Variants in FHOD3 observed in about 807,000 individuals in gnomAD.
FHOD3 encodes FH1/FH2 domain-containing protein 3.
FHOD3 carries 90 observed loss-of-function variants against 173.0 expected under a neutral mutation model. The observed-to-expected ratio is 0.52, with a 90% CI of 0.44 to 0.62. The LOEUF (loss-of-function observed/expected upper bound fraction) is 0.62. Ranked by LOEUF, FHOD3 falls within the 20% of genes least tolerant of loss-of-function variation. The pLI, the probability that FHOD3 is intolerant of heterozygous loss-of-function variation, is 0.00. For synonymous variants in FHOD3, 828 were observed against 823.0 expected (o/e 1.01, Z -0.10); for missense variants, 1,945 against 2,034.7 (o/e 0.96, Z 0.85).
chr18:36,728,272 C>T (rs909838439), intron 19 of FHOD3, among the ~76,000 whole-genome samples: 1 of 152,226 alleles, frequency 6.6e-6, no homozygotes, highest in African/African-American at 2.4e-5. Context: ...TCCAGCACCA[C>T]AGTATTGGCA....
At chr18:36,344,131 G>C (rs537523787) in intron 1 of FHOD3, among the ~76,000 whole-genome samples, 32 of 152,304 alleles carry the variant, frequency 2.1e-4, no homozygotes, top group African/African-American at 7.7e-4. Context: ...GTGAAATCAA[G>C]ATGCTTCTAG....
At chr18:36,458,297 T>C (rs1363570422) in intron 3 of FHOD3, among the ~76,000 whole-genome samples, 7 of 152,106 alleles carry the variant, frequency 4.6e-5, no homozygotes, top group Admixed American at 4.6e-4. Flanking sequence ...GAAAGGAGAG[T>C]GGACTTGTGG....
At position 36,580,923 on chromosome 18, in the gene FHOD3, A is replaced by T. The variant is rs549600822; in HGVS notation, c.606+4378A>T. 1.2e-3 allele frequency among the ~76,000 whole-genome samples: 177 copies of T among 152,344 alleles called. 1 individual carries two copies. The highest frequency in any genetic ancestry group is 4.1e-3 in the African/African-American group (171 of 41,580). ...TGACATCCAGTTGCCTTTGCCTTAT[A>T]CAGTCACAGAGTTGATAAAGGAAGT... On this transcript the variant is annotated intron_variant, in intron 6 of 28. Coordinates refer to ENST00000590592, the MANE Select transcript of FHOD3 (RefSeq NM_001281740.3).
chr18:36,346,014 GC>G (rs780953677), intron 1 of FHOD3, among the ~76,000 whole-genome samples: 8 of 152,112 alleles, frequency 5.3e-5, no homozygotes, highest in Non-Finnish European at 8.8e-5. Context: ...TTCACACCCA[GC>G]CCCCTGAATC....
At chr18:36,540,718 C>T (rs1392670038) in intron 5 of FHOD3, among the ~76,000 whole-genome samples, 4 of 152,100 alleles carry the variant, frequency 2.6e-5, no homozygotes. Flanking sequence ...AAGTGTGATT[C>T]AAGGAAGAAG....
At chr18:36,562,598 G>T (rs1228601902) in intron 5 of FHOD3, among the ~76,000 whole-genome samples, 2 of 152,040 alleles carry the variant, frequency 1.3e-5, no homozygotes, top group Non-Finnish European at 2.9e-5. Flanking sequence ...CTCCTACTTC[G>T]TACCTATCCA....
chr18:36,500,430 C>T (rs2054971673), intron 3 of FHOD3, among the ~76,000 whole-genome samples: 2 of 152,210 alleles, frequency 1.3e-5, no homozygotes, highest in Non-Finnish European at 2.9e-5. Context: ...TTCCATGCCA[C>T]TTGCACAAGG....
rs1428882816 is a variant in FHOD3 at position 36,527,087 on chromosome 18, A to C, written c.511+14544A>C. 2.0e-5 allele frequency among the ~76,000 whole-genome samples: 3 copies of C among 152,120 alleles called. No homozygotes were observed. In the East Asian group the frequency reaches 5.8e-4, roughly 29 times the overall value. ...TGGAAGCTGCATCTGGAGGCTGTGGACCGGGGAACACTGGCCGGCTGGCTG... is the reference window on the plus strand; with the variant it reads ...TGGAAGCTGCATCTGGAGGCTGTGGCCCGGGGAACACTGGCCGGCTGGCTG... On this transcript the variant is annotated intron_variant, in intron 5 of 28. Coordinates refer to ENST00000590592, the MANE Select transcript of FHOD3 (RefSeq NM_001281740.3).
intron 2 of FHOD3, among the ~76,000 whole-genome samples, chr18:36,358,459 G>T (rs771844614): frequency 6.6e-6 from 1 of 152,156 alleles, no homozygotes; most frequent in South Asian, 2.1e-4. Flanking sequence ...CCTGGTTCTT[G>T]TATTCTCACT....
chr18:36,701,819 G>A (rs1250365038), intron 17 of FHOD3, among the ~76,000 whole-genome samples: 1 of 152,148 alleles, frequency 6.6e-6, no homozygotes, highest in Non-Finnish European at 1.5e-5. Flanking sequence ...CTATAAGGTA[G>A]CACTGTCCAA....
intron 3 of FHOD3, among the ~76,000 whole-genome samples, chr18:36,408,447 A>G (rs994332936): frequency 6.6e-6 from 1 of 151,982 alleles, no homozygotes; most frequent in Non-Finnish European, 1.5e-5. Flanking sequence ...GGGCCAGGCT[A>G]ATGGGTGTTA....
At chr18:36,637,704 C>T (rs866206669) in intron 10 of FHOD3, among the ~76,000 whole-genome samples, 2 of 152,116 alleles carry the variant, frequency 1.3e-5, no homozygotes, top group Non-Finnish European at 2.9e-5. Flanking sequence ...GCTTTTGAAG[C>T]GAGCCAGCAG....
intron 6 of FHOD3, among the ~76,000 whole-genome samples, chr18:36,592,136 T>C (rs7235193): frequency 0.046 from 7,035 of 152,206 alleles, 508 homozygotes; most frequent in African/African-American, 0.15. Flanking sequence ...GGAGAATCAC[T>C]TGAACCTGGG....
chr18:36,606,903 G>T (rs1264170940), intron 8 of FHOD3, among the ~76,000 whole-genome samples: 3 of 152,210 alleles, frequency 2.0e-5, no homozygotes, highest in South Asian at 4.1e-4. Context: ...AATCTATTTT[G>T]ACTCCATGTC....
intron 5 of FHOD3, among the ~76,000 whole-genome samples, chr18:36,570,529 C>G (rs547100923): frequency 6.6e-6 from 1 of 152,206 alleles, no homozygotes; most frequent in East Asian, 1.9e-4. Flanking sequence ...GGAGGAAACA[C>G]TTCCCAATTC....
chr18:36,327,758 G>C (rs2044748246), intron 1 of FHOD3, among the ~76,000 whole-genome samples: 1 of 152,234 alleles, frequency 6.6e-6, no homozygotes, highest in Non-Finnish European at 1.5e-5. Flanking sequence ...CTTTGTGCTA[G>C]AGGTTGACAA....
chr18:36,589,894 G>C (rs748069592), intron 6 of FHOD3, among the ~76,000 whole-genome samples: 14 of 152,246 alleles, frequency 9.2e-5, no homozygotes, highest in East Asian at 1.9e-4. Context: ...CTGGACAAAT[G>C]GGCAGGTGCT....
intron 1 of FHOD3, among the ~76,000 whole-genome samples, chr18:36,309,177 G>A (rs1033413609): frequency 3.9e-5 from 6 of 152,192 alleles, no homozygotes; most frequent in Admixed American, 6.5e-5. Context: ...TGCAGTTCAC[G>A]ATGGGGAAGT....
At chr18:36,315,010 T>C (rs1007739037) in intron 1 of FHOD3, among the ~76,000 whole-genome samples, 1 of 152,140 alleles carries the variant, frequency 6.6e-6, no homozygotes, top group Non-Finnish European at 1.5e-5. Context: ...GAGTTCTGAT[T>C]CTAAGTCAAG....
Sources: allele counts gnomAD v4.1 joint callset (sites outside exome capture counted in the v4.1 genomes callset), GRCh38; gene constraint gnomAD v4.1.1; transcripts MANE v1.5; gene names NCBI Gene and HGNC (gene_info 2026-07-23, HGNC 2026-07-21).